MAN1C1: variants seen among roughly 807,000 people sequenced by gnomAD.
MAN1C1 encodes mannosyl-oligosaccharide 1,2-alpha-mannosidase IC.
In MAN1C1, 49 loss-of-function variants were observed where a neutral mutation model predicts 71.5. That is an observed-to-expected ratio of 0.69 (90% CI 0.54 to 0.87). The LOEUF (loss-of-function observed/expected upper bound fraction) is 0.87. Ranked by LOEUF, MAN1C1 falls within the 40% of genes least tolerant of loss-of-function variation. MAN1C1 has a pLI of 0.00. For synonymous variants in MAN1C1, 352 were observed against 343.7 expected (o/e 1.02, Z -0.27); for missense variants, 743 against 835.0 (o/e 0.89, Z 1.36).
At position 25,617,547 on chromosome 1, in the gene MAN1C1, G is replaced by A. The variant is rs2045119450; in HGVS notation, c.-251G>A. 5.2e-6 allele frequency: 1 copy of A among 192,476 alleles called. No homozygotes were observed. The highest frequency in any genetic ancestry group is 1.0e-5 in the Non-Finnish European group (1 of 96,070). The allele number at this position is 192,476 out of a possible 1,614,324, so 11.9% of individuals were successfully genotyped here. ...GCGCGGCCGGTCGCTGCGGGCCCGG[G>A]CCCCAAGCCGTGCCGCTCCGCTCGC... On this transcript the variant is annotated 5_prime_UTR_variant, in exon 1 of 12. Coordinates refer to ENST00000374332, the MANE Select transcript of MAN1C1 (RefSeq NM_020379.4). This position sits in a 1 kb window ranked among gnomAD's most constrained non-coding sequence, Gnocchi z 5.1.
At chr1:25,720,576 G>GT (rs2046749623) in intron 2 of MAN1C1, among the ~76,000 whole-genome samples, 1 of 152,312 alleles carries the variant, frequency 6.6e-6, no homozygotes, top group Non-Finnish European at 1.5e-5. Flanking sequence ...CTGGATACCA[G>GT]TTCTCTATGG....
intron 1 of MAN1C1, among the ~76,000 whole-genome samples, chr1:25,675,578 A>G (rs1482913520): frequency 1.2e-4 from 9 of 77,652 alleles, no homozygotes; most frequent in Admixed American, 6.2e-4. Context: ...ATAATGACTT[A>G]TTTTGCGGGG....
At chr1:25,669,932 A>G (rs2045972252) in intron 1 of MAN1C1, among the ~76,000 whole-genome samples, 1 of 152,244 alleles carries the variant, frequency 6.6e-6, no homozygotes, top group Non-Finnish European at 1.5e-5. Context: ...GGAATCTGTC[A>G]GGAGAATGTT....
At chr1:25,716,910 C>T (rs1030838501) in intron 2 of MAN1C1, among the ~76,000 whole-genome samples, 20 of 152,160 alleles carry the variant, frequency 1.3e-4, no homozygotes, top group African/African-American at 4.8e-4. Context: ...TCTAGAGTTC[C>T]TTAGAATCAC....
At chr1:25,673,345 G>A (rs953973485) in intron 1 of MAN1C1, among the ~76,000 whole-genome samples, 1 of 152,202 alleles carries the variant, frequency 6.6e-6, no homozygotes, top group Non-Finnish European at 1.5e-5. Context: ...GCTCCATTCT[G>A]TGAGGCAGTG....
chr1:25,772,544 GCCTCAGTTTC>G (rs1420775961), intron 8 of MAN1C1: 1 of 152,252 alleles, frequency 6.6e-6, no homozygotes, highest in Non-Finnish European at 1.5e-5. Flanking sequence ...CCTGTTCTGG[GCCTCAGTTTC>G]CCCATAAAGC....
chr1:25,698,443 T>C lies in MAN1C1; in HGVS notation c.637+11907T>C, dbSNP rs563069326. The stretch of plus-strand genomic sequence containing the variant: ...GGGATCTCATGAGACCGTTCCTTCA[T>C]GCGGGTGGTTGTTCAGTGCCTGCCA... On this transcript the variant is annotated intron_variant, in intron 2 of 11. Transcript: ENST00000374332. Among the ~76,000 whole-genome samples the C allele has an allele frequency of 2.0e-5, 3 of 152,282 alleles. No individual in the cohort carries two copies. The East Asian group carries it at 5.8e-4, about 29-fold the overall frequency.
In MAN1C1 at chr1:25,617,797, G is replaced by A; in HGVS notation, c.-1G>A. ...CTTCTGGAGCCACCGGCCGGGCCAC[G>A]ATGCTCATGAGGAAAGTGCCCGGCT... On this transcript the variant is annotated 5_prime_UTR_variant, in exon 1 of 12. Coordinates refer to ENST00000374332, the MANE Select transcript of MAN1C1 (RefSeq NM_020379.4). The surrounding 1 kb of genome is among the most constrained non-coding windows in gnomAD (Gnocchi z 5.1). 1 of 1,590,452 alleles carries A rather than the reference G, an allele frequency of 6.3e-7. No individual in the cohort carries two copies. The highest frequency in any genetic ancestry group is 8.5e-7 in the Non-Finnish European group (1 of 1,171,270).
At chr1:25,648,729 C>T (rs2045650802) in intron 1 of MAN1C1, among the ~76,000 whole-genome samples, 1 of 152,186 alleles carries the variant, frequency 6.6e-6, no homozygotes, top group Non-Finnish European at 1.5e-5. Context: ...ATGGTAAACT[C>T]TACTTGAGGG....
intron 4 of MAN1C1, among the ~76,000 whole-genome samples, chr1:25,752,138 A>G (rs1320016235): frequency 6.6e-6 from 1 of 152,076 alleles, no homozygotes; most frequent in African/African-American, 2.4e-5. Flanking sequence ...TAACTCGTAT[A>G]ACCACAGCTG....
chr1:25,778,465 G>A lies in MAN1C1; in HGVS notation c.1477+141G>A. ...TGGAAGTTAAGTAGAATTTGAGAGA[G>A]GTACTCTCCAGGCTCCGAGACCATA... On this transcript the variant is annotated intron_variant, in intron 9 of 11. Coordinates refer to ENST00000374332, the MANE Select transcript of MAN1C1 (RefSeq NM_020379.4). This position sits in a 1 kb window ranked among gnomAD's most constrained non-coding sequence, Gnocchi z 5.5. 3 of 828,162 alleles carry A rather than the reference G, an allele frequency of 3.6e-6. No individual in the cohort carries two copies. Among genetic ancestry groups the A allele is most frequent in the Non-Finnish European group, 5.6e-6 (3 of 537,904 alleles). 51.3% of individuals were successfully genotyped at this position (828,162 alleles called of 1,614,324 possible). A position where few individuals can be genotyped will look rare whatever the true frequency, so the allele number is the denominator to read the frequency against.
At chr1:25,739,016 T>C (rs1437902017) in intron 2 of MAN1C1, among the ~76,000 whole-genome samples, 2 of 152,124 alleles carry the variant, frequency 1.3e-5, no homozygotes, top group East Asian at 3.9e-4. Flanking sequence ...ATTTTAAAAG[T>C]TATCCAGGCA....
At chr1:25,624,208 G>C (rs560401166) in intron 1 of MAN1C1, among the ~76,000 whole-genome samples, 1 of 152,194 alleles carries the variant, frequency 6.6e-6, no homozygotes, top group Non-Finnish European at 1.5e-5. Flanking sequence ...AGGCCCCTCC[G>C]TCTTCCTCCT....
intron 7 of MAN1C1, among the ~76,000 whole-genome samples, chr1:25,767,889 A>G (rs1279731977): frequency 2.7e-5 from 2 of 73,708 alleles, no homozygotes; most frequent in East Asian, 4.0e-4. Context: ...ATACATTCAC[A>G]CTCCCCTCAT....
rs570927261 is a variant in MAN1C1, at chr1:25,702,080, A to G, written c.637+15544A>G. On this transcript the variant is annotated intron_variant, in intron 2 of 11. Transcript: ENST00000374332. Reference sequence around the variant, plus strand: ...GTCTCAAAAAATAAATAAGTAAATAAAAGTAAAGCCAAATTAGTTAGTTAC... The same window carrying G: ...GTCTCAAAAAATAAATAAGTAAATAGAAGTAAAGCCAAATTAGTTAGTTAC... Among the ~76,000 whole-genome samples the G allele has an allele frequency of 3.9e-5, 6 of 152,260 alleles. No individual in the cohort carries two copies. The South Asian group carries it at 1.2e-3, about 32-fold the overall frequency.
At chr1:25,619,201 G>A (rs1342661342) in intron 1 of MAN1C1, among the ~76,000 whole-genome samples, 3 of 152,130 alleles carry the variant, frequency 2.0e-5, no homozygotes, top group South Asian at 2.1e-4. Context: ...GCCTGCGTGC[G>A]GATGGTGCCC....
chr1:25,674,324 G>A (rs901082263), intron 1 of MAN1C1, among the ~76,000 whole-genome samples: 10 of 152,162 alleles, frequency 6.6e-5, no homozygotes, highest in Admixed American at 5.9e-4. Flanking sequence ...AGGTTGCCTC[G>A]TGTTGTCACC....
intron 2 of MAN1C1, among the ~76,000 whole-genome samples, chr1:25,727,577 C>T (rs2046849501): frequency 6.6e-6 from 1 of 152,238 alleles, no homozygotes; most frequent in African/African-American, 2.4e-5. Flanking sequence ...GGCAGAGGAA[C>T]CCTGCAGCAA....
chr1:25,676,795 C>G (rs757419868), intron 1 of MAN1C1, among the ~76,000 whole-genome samples: 3 of 152,160 alleles, frequency 2.0e-5, no homozygotes, highest in Non-Finnish European at 4.4e-5. Flanking sequence ...CAGAGCCAGC[C>G]TTGTGTGTAT....
Sources: gnomAD v4.1 joint callset for allele counts (sites outside exome capture counted in the v4.1 genomes callset) on GRCh38, gnomAD v4.1.1 for gene constraint, Gnocchi (gnomAD v3.1) non-coding constraint, MANE v1.5 for transcripts, NCBI Gene and HGNC (gene_info 2026-07-23, HGNC 2026-07-21) for gene names.